ITPRID1: variants seen among roughly 807,000 people sequenced by gnomAD.
ITPRID1 encodes protein ITPRID1.
A neutral mutation model predicts 95.4 loss-of-function variants in ITPRID1; 96 were observed. The ratio of observed to expected loss-of-function variants is 1.01; its 90% CI spans 0.85 to 1.19. ITPRID1 has a LOEUF of 1.19. Among genes scored for constraint, ITPRID1 ranks in the 50% most tolerant of loss-of-function variants. The pLI is 0.00. For synonymous variants in ITPRID1, 510 were observed against 453.6 expected (o/e 1.12, Z -1.58); for missense variants, 1,339 against 1,252.9 (o/e 1.07, Z -1.04).
chr7:31,521,904 A>ATTTTTT (rs55777151), intron 1 of ITPRID1, among the ~76,000 whole-genome samples: 1 of 119,026 alleles, frequency 8.4e-6, no homozygotes, highest in African/African-American at 3.3e-5. Context: ...GGCTAATTTA[A>ATTTTTT]TTTTTTTTTT....
At position 31,652,857 on chromosome 7, in the gene ITPRID1, C is replaced by A; in HGVS notation, c.*28C>A. 1 of 1,597,420 alleles carries A rather than the reference C, an allele frequency of 6.3e-7. No homozygotes were observed. The stretch of plus-strand genomic sequence containing the variant: ...CAGAGCAGGTTTGTTAACCTTCATA[C>A]AAAATATAAAGGCCCAGAACAGATG... On this transcript the variant is annotated 3_prime_UTR_variant, in exon 15 of 15. Coordinates refer to ENST00000615280, the MANE Select transcript of ITPRID1 (RefSeq NM_001257967.3).
chr7:31,634,523 G>A (rs1336530153), intron 10 of ITPRID1, among the ~76,000 whole-genome samples: 1 of 152,150 alleles, frequency 6.6e-6, no homozygotes, highest in African/African-American at 2.4e-5. Context: ...AGATCACACA[G>A]CCTCTAAGTA....
At chr7:31,599,942 C>T (rs1277910616) in intron 10 of ITPRID1, among the ~76,000 whole-genome samples, 6 of 152,172 alleles carry the variant, frequency 3.9e-5, no homozygotes, top group African/African-American at 1.4e-4. Context: ...TCGTGATCCG[C>T]CGGCCTCTGC....
intron 10 of ITPRID1, among the ~76,000 whole-genome samples, chr7:31,617,889 A>G (rs16875607): frequency 0.048 from 7,316 of 152,270 alleles, 512 homozygotes; most frequent in African/African-American, 0.16. Flanking sequence ...TTCTAACGCT[A>G]CAAATCACTG....
chr7:31,651,018 A>C, intron 12 of ITPRID1, 124 bp from the exon 13 acceptor site: 1 of 1,008,818 alleles, frequency 9.9e-7, no homozygotes. Flanking sequence ...CCTCCCCCTT[A>C]TATTAGCAGT....
intron 1 of ITPRID1, chr7:31,514,325 C>T (rs1385265428): frequency 6.6e-6 from 1 of 152,162 alleles, no homozygotes; most frequent in African/African-American, 2.4e-5. Context: ...TAGATTGTAA[C>T]CTAGCTAATA....
At chr7:31,617,095 T>C (rs1787315405) in intron 10 of ITPRID1, among the ~76,000 whole-genome samples, 1 of 152,204 alleles carries the variant, frequency 6.6e-6, no homozygotes, top group Admixed American at 6.5e-5. Flanking sequence ...TGGTTGCACT[T>C]CAGTGGTGGG....
At chr7:31,635,751 A>T (rs761255986) in intron 10 of ITPRID1, among the ~76,000 whole-genome samples, 3 of 152,008 alleles carry the variant, frequency 2.0e-5, no homozygotes, top group Non-Finnish European at 4.4e-5. Context: ...CAGGGAGGGG[A>T]ACACCACACA....
chr7:31,601,835 T>G (rs1786405806), intron 10 of ITPRID1, among the ~76,000 whole-genome samples: 1 of 152,214 alleles, frequency 6.6e-6, no homozygotes, highest in African/African-American at 2.4e-5. Flanking sequence ...CGAAGGGAAC[T>G]GCTCACGGGC....
chr7:31,629,403 A>G (rs1055304034), intron 10 of ITPRID1, among the ~76,000 whole-genome samples: 5 of 152,194 alleles, frequency 3.3e-5, no homozygotes, highest in African/African-American at 9.7e-5. Flanking sequence ...CATGCCACGA[A>G]GCTCCAGGCA....
chr7:31,554,728 T>C (rs1784393047), intron 4 of ITPRID1, 130 bp from the exon 5 acceptor site: 2 of 1,006,314 alleles, frequency 2.0e-6, no homozygotes, highest in Non-Finnish European at 3.0e-6. Context: ...TGACTGTTTA[T>C]TGGTTTCTAA....
intron 10 of ITPRID1, among the ~76,000 whole-genome samples, chr7:31,621,838 C>A (rs1456314655): frequency 1.3e-5 from 2 of 151,742 alleles, no homozygotes; most frequent in Middle Eastern, 3.2e-3. Context: ...CAAGACCCAT[C>A]AGTGTGTTGT....
intron 1 of ITPRID1, among the ~76,000 whole-genome samples, chr7:31,547,650 T>C (rs1156288842): frequency 1.3e-5 from 2 of 152,054 alleles, no homozygotes; most frequent in Non-Finnish European, 2.9e-5. Flanking sequence ...AGCTCCTTCT[T>C]TTTTTTAGTG....
At chr7:31,534,320 C>G (rs1783692336) in intron 1 of ITPRID1, among the ~76,000 whole-genome samples, 2 of 152,186 alleles carry the variant, frequency 1.3e-5, no homozygotes, top group African/African-American at 4.8e-5. Context: ...ACAAATCTTT[C>G]ATATTCTTTC....
chr7:31,642,757 G>A lies in ITPRID1; in HGVS notation c.1387G>A (p.Val463Ile), dbSNP rs1305016284. The A allele has an allele frequency of 6.2e-7, 1 of 1,614,000 alleles. No individual in the cohort carries two copies. The stretch of plus-strand genomic sequence containing the variant: ...GCCAAGAGATCAGAGCCACAGCTTA[G>A]TATCATCCCAGGACTGTCAGCTAGA... ...RKPRDQSHSL[V>I]SSQDCQLESD... The change falls in exon 12 of 15, where the codon GTA (valine) becomes ATA (isoleucine). Residue 463 changes from valine to isoleucine, a missense_variant. By Grantham distance (29) the Val-to-Ile change is conservative. Coordinates refer to ENST00000615280, the MANE Select transcript of ITPRID1 (RefSeq NM_001257967.3).
chr7:31,552,407 A>G (rs1049197570), intron 2 of ITPRID1, among the ~76,000 whole-genome samples: 3 of 152,184 alleles, frequency 2.0e-5, no homozygotes, highest in Non-Finnish European at 2.9e-5. Context: ...AATTAAGTTA[A>G]ATAATGAATG....
intron 1 of ITPRID1, among the ~76,000 whole-genome samples, chr7:31,533,313 A>G (rs1023168991): frequency 6.6e-6 from 1 of 152,186 alleles, no homozygotes; most frequent in Non-Finnish European, 1.5e-5. Flanking sequence ...TTGATAACAT[A>G]TGTTTACATT....
intron 6 of ITPRID1, among the ~76,000 whole-genome samples, chr7:31,571,022 TG>T (rs1406531929): frequency 8.0e-6 from 1 of 125,078 alleles, no homozygotes; most frequent in Non-Finnish European, 1.8e-5. Context: ...GCCCAGCTAT[TG>T]TTTTTTTTTG....
chr7:31,549,679 G>A (rs1301207500), intron 2 of ITPRID1, among the ~76,000 whole-genome samples, 180 bp downstream of exon 2: 2 of 152,124 alleles, frequency 1.3e-5, no homozygotes, highest in Non-Finnish European at 2.9e-5. Context: ...GAAAGCACTT[G>A]CTCTTTTAAC....
Sources: gnomAD v4.1 joint callset for allele counts (sites outside exome capture counted in the v4.1 genomes callset) on GRCh38, gnomAD v4.1.1 for gene constraint, MANE v1.5 for transcripts, NCBI Gene and HGNC (gene_info 2026-07-23, HGNC 2026-07-21) for gene names.